Variants in CREB5 observed in about 807,000 individuals in gnomAD.
The protein encoded by CREB5 is cyclic AMP-responsive element-binding protein 5.
In CREB5, 19 loss-of-function variants were observed where a neutral mutation model predicts 57.1. That is an observed-to-expected ratio of 0.33 (90% CI 0.23 to 0.49). The LOEUF (loss-of-function observed/expected upper bound fraction) is 0.49. CREB5 is among the 20% of genes least tolerant of loss of function. The pLI is 0.99. For missense variants in CREB5, 579 were observed against 671.6 expected, an observed-to-expected ratio of 0.86 and a Z score of 1.52; for synonymous variants, 238 against 238.3, an observed-to-expected ratio of 1.00 and a Z score of 0.01.
At chr7:28,368,981 G>A (rs1262504865) in intron 1 of CREB5, among the ~76,000 whole-genome samples, 1 of 152,214 alleles carries the variant, frequency 6.6e-6, no homozygotes, top group Non-Finnish European at 1.5e-5. Context: ...GGGAGGTCAA[G>A]GCTACAGTGA....
At chr7:28,581,292 C>A (rs570179660) in intron 5 of CREB5, among the ~76,000 whole-genome samples, 3 of 152,090 alleles carry the variant, frequency 2.0e-5, no homozygotes, top group African/African-American at 4.8e-5. Context: ...TAACTGTGCC[C>A]GAATATTCCT....
chr7:28,462,034 CA>C (rs753110481), intron 1 of CREB5, among the ~76,000 whole-genome samples: 13 of 152,110 alleles, frequency 8.5e-5, no homozygotes, highest in Non-Finnish European at 1.3e-4. Flanking sequence ...TCGTCACCCC[CA>C]AAAAGAAACC....
chr7:28,566,715 GTTGT>G (rs751998247), intron 4 of CREB5, among the ~76,000 whole-genome samples: 21 of 152,298 alleles, frequency 1.4e-4, no homozygotes, highest in Admixed American at 1.2e-3. Flanking sequence ...CTTTTGCTGG[GTTGT>G]TTATTTTTCC....
chr7:28,534,139 C>A (rs170062), intron 4 of CREB5, among the ~76,000 whole-genome samples: 1 of 151,992 alleles, frequency 6.6e-6, no homozygotes, highest in African/African-American at 2.4e-5. Flanking sequence ...AAAATAAGGA[C>A]GCTTTGATCC....
At position 28,746,366 on chromosome 7, in the gene CREB5, G is replaced by A. The variant is rs376080650; in HGVS notation, c.702+22034G>A. On this transcript the variant is annotated intron_variant, in intron 7 of 10. Transcript: ENST00000357727. ...AGAGGCTCGTTTCAATACCACAAAG[G>A]CTACTTCCAGCTAAATTTTAATAAT... is the stretch of plus-strand genomic sequence containing the variant. Among the ~76,000 whole-genome samples the A allele has an allele frequency of 4.6e-5, 7 of 152,214 alleles. No individual in the cohort carries two copies. The East Asian group carries it at 1.4e-3, about 29-fold the overall frequency.
chr7:28,419,374 T>C (rs1038480082), intron 1 of CREB5, among the ~76,000 whole-genome samples: 1 of 152,228 alleles, frequency 6.6e-6, no homozygotes, highest in African/African-American at 2.4e-5. Flanking sequence ...TGTGTTTAAG[T>C]ATTTGGTTTT....
At chr7:28,457,703 T>C (rs1453189884) in intron 1 of CREB5, among the ~76,000 whole-genome samples, 1 of 152,178 alleles carries the variant, frequency 6.6e-6, no homozygotes, top group Non-Finnish European at 1.5e-5. Flanking sequence ...TTCCATCTTG[T>C]CCTGGGAGTC....
At chr7:28,646,353 A>G (rs1280674055) in intron 5 of CREB5, among the ~76,000 whole-genome samples, 2 of 151,962 alleles carry the variant, frequency 1.3e-5, no homozygotes, top group Non-Finnish European at 2.9e-5. Context: ...GTTAGGGGGA[A>G]AAAAAACAAA....
At chr7:28,556,871 G>C (rs1020991366) in intron 4 of CREB5, among the ~76,000 whole-genome samples, 5 of 152,220 alleles carry the variant, frequency 3.3e-5, no homozygotes, top group African/African-American at 9.6e-5. Context: ...AGCTCCTTCA[G>C]TTGGCTGCTT....
Position 28,668,452 on chromosome 7 carries a change from T to C in CREB5, c.465-50301T>C, listed in dbSNP as rs1337489940. ...ATATGTTTGTAACTATACAGAATCC[T>C]ATTTTAATTATGCAACTGTGAGTGT... On this transcript the variant is annotated intron_variant, in intron 5 of 10. Coordinates refer to ENST00000357727, the MANE Select transcript of CREB5 (RefSeq NM_182898.4). 2.6e-5 allele frequency among the ~76,000 whole-genome samples: 4 copies of C among 152,214 alleles called. No homozygotes were observed. The East Asian group carries it at 5.8e-4, about 22-fold the overall frequency.
chr7:28,425,967 C>T (rs1466061593), intron 1 of CREB5, among the ~76,000 whole-genome samples: 1 of 152,206 alleles, frequency 6.6e-6, no homozygotes, highest in African/African-American at 2.4e-5. Context: ...CACCACTGTC[C>T]TCTGGGCCCC....
chr7:28,493,440 A>G (rs1791890658), intron 2 of CREB5, among the ~76,000 whole-genome samples: 2 of 152,338 alleles, frequency 1.3e-5, no homozygotes, highest in South Asian at 2.1e-4. Context: ...CTATTCCCCA[A>G]GGATACATTT....
intron 1 of CREB5, among the ~76,000 whole-genome samples, chr7:28,403,230 A>G (rs190395341): frequency 3.3e-5 from 5 of 152,134 alleles, no homozygotes; most frequent in Non-Finnish European, 7.4e-5. Flanking sequence ...TTATGCTAAG[A>G]CTCAAAAACT....
intron 8 of CREB5, 111 bp downstream of exon 8, chr7:28,804,633 T>C (rs1170530487): frequency 3.7e-6 from 5 of 1,340,662 alleles, no homozygotes; most frequent in Non-Finnish European, 5.2e-6. Flanking sequence ...AGGTGTTCTA[T>C]CTCACATTCT....
intron 1 of CREB5, among the ~76,000 whole-genome samples, chr7:28,416,016 T>G (rs2128006081): frequency 6.6e-6 from 1 of 152,280 alleles, no homozygotes; most frequent in East Asian, 1.9e-4. Context: ...AAAAAATTCA[T>G]GCATGCAACA....
chr7:28,466,250 G>T (rs1451582234), intron 1 of CREB5, among the ~76,000 whole-genome samples: 1 of 143,716 alleles, frequency 7.0e-6, no homozygotes, highest in Non-Finnish European at 1.5e-5. Context: ...AAAATGTTTA[G>T]CTTAGTTGGT....
Position 28,320,220 on chromosome 7 carries a change from A to G in CREB5, c.-25+20779A>G, listed in dbSNP as rs1296988974. Among the ~76,000 whole-genome samples the G allele has an allele frequency of 2.6e-5, 4 of 152,156 alleles. No individual in the cohort carries two copies. In the East Asian group the frequency reaches 7.7e-4, roughly 29 times the overall value. ...GCTGGAATTACAGGCATGAGCCACC[A>G]CGCCTGGCCGCTTTTATGTAATCTT... On this transcript the variant is annotated intron_variant, in intron 1 of 9. Coordinates refer to the CREB5 transcript ENST00000396299.
intron 5 of CREB5, among the ~76,000 whole-genome samples, chr7:28,708,498 G>A (rs951742385): frequency 6.6e-6 from 1 of 152,180 alleles, no homozygotes; most frequent in Non-Finnish European, 1.5e-5. Flanking sequence ...CTTGAGATTC[G>A]AGAAAAGGTG....
chr7:28,417,464 G>A (rs908378250), intron 1 of CREB5, among the ~76,000 whole-genome samples: 2 of 151,434 alleles, frequency 1.3e-5, no homozygotes, highest in Non-Finnish European at 2.9e-5. Context: ...ACGTGTGGTC[G>A]GTGACTATGG....
Sources: gnomAD v4.1 joint callset for allele counts (sites outside exome capture counted in the v4.1 genomes callset) on GRCh38, gnomAD v4.1.1 for gene constraint, MANE v1.5 for transcripts, NCBI Gene and HGNC (gene_info 2026-07-23, HGNC 2026-07-21) for gene names.